CIT: variants seen among roughly 807,000 people sequenced by gnomAD.
CIT encodes the protein citron rho-interacting serine/threonine kinase.
A neutral mutation model predicts 272.7 loss-of-function variants in CIT; 79 were observed. That is an observed-to-expected ratio of 0.29 (90% CI 0.24 to 0.35). The LOEUF (loss-of-function observed/expected upper bound fraction) is 0.35. Ranked by LOEUF, CIT falls within the 10% of genes least tolerant of loss-of-function variation. The pLI is 1.00. For synonymous variants in CIT, 948 were observed against 995.6 expected (o/e 0.95, Z 0.90); for missense variants, 1,909 against 2,618.3 (o/e 0.73, Z 5.91).
At position 119,876,090 on chromosome 12, in the gene CIT, G is replaced by T; in HGVS notation, c.79C>A (p.Leu27Met). Reference sequence around the variant, plus strand: ...GCTGTTACCTGGAAGAACAGATTCAGCCTGGAGGCCCGGCTGGCAATGGGT... The same window carrying T: ...GCTGTTACCTGGAAGAACAGATTCATCCTGGAGGCCCGGCTGGCAATGGGT... ...AEPIASRASRLNLFFQGKPPF... is the reference protein window; with the variant it reads ...AEPIASRASRMNLFFQGKPPF... Residue 27 changes from leucine (L) to methionine (M), a missense_variant, in exon 2 of 48, where the codon CTG (leucine) becomes ATG (methionine). This residue lies in a region of CIT where 529 missense variants were observed against 549.6 expected (regional missense o/e 0.96). Coordinates refer to ENST00000392521, the MANE Select transcript of CIT (RefSeq NM_001206999.2). 4 of 1,613,602 alleles carry T rather than the reference G, an allele frequency of 2.5e-6. No homozygotes were observed. Among genetic ancestry groups the T allele is most frequent in the Non-Finnish European group, 3.4e-6 (4 of 1,179,596 alleles).
intron 28 of CIT, among the ~76,000 whole-genome samples, chr12:119,724,078 C>T (rs1957956787): frequency 6.6e-6 from 1 of 151,932 alleles, no homozygotes; most frequent in Non-Finnish European, 1.5e-5. Context: ...ATCGCTTGAG[C>T]CCAGGAGTTT....
chr12:119,856,684 C>T (rs1835573608), intron 4 of CIT, among the ~76,000 whole-genome samples: 1 of 152,116 alleles, frequency 6.6e-6, no homozygotes. Flanking sequence ...CCTAACTGTC[C>T]CTTGCTCACC....
intron 9 of CIT, among the ~76,000 whole-genome samples, chr12:119,817,444 G>A (rs1460962576): frequency 2.6e-5 from 4 of 151,982 alleles, no homozygotes; most frequent in East Asian, 3.9e-4. Context: ...CCTGGGAGGC[G>A]GAGCTTGCAG....
chr12:119,849,426 C>CA (rs898196341), intron 5 of CIT, among the ~76,000 whole-genome samples: 18 of 149,642 alleles, frequency 1.2e-4, no homozygotes, highest in South Asian at 6.4e-4. Flanking sequence ...GACTCTGTCT[C>CA]AAAAAAAAAG....
chr12:119,746,725 A>T (rs1959470632), intron 23 of CIT, among the ~76,000 whole-genome samples: 1 of 152,218 alleles, frequency 6.6e-6, no homozygotes, highest in Non-Finnish European at 1.5e-5. Context: ...ATCCTCTCTG[A>T]AAGTTAACAT....
At chr12:119,729,426 G>A (rs1463700185) in intron 27 of CIT, among the ~76,000 whole-genome samples, 2 of 151,632 alleles carry the variant, frequency 1.3e-5, no homozygotes, top group East Asian at 3.8e-4. Context: ...AATACTGGAA[G>A]TTCAAATTTC....
intron 7 of CIT, among the ~76,000 whole-genome samples, chr12:119,826,806 A>C (rs2138074938): frequency 6.6e-6 from 1 of 152,284 alleles, no homozygotes; most frequent in Non-Finnish European, 1.5e-5. Context: ...AAGTCCACAT[A>C]CCTTGAAGGC....
chr12:119,817,058 T>A (rs1967252327), intron 9 of CIT, among the ~76,000 whole-genome samples: 1 of 152,246 alleles, frequency 6.6e-6, no homozygotes, highest in Non-Finnish European at 1.5e-5. Context: ...CAACTCATCT[T>A]GAGATTAGAA....
At chr12:119,771,336 C>G (rs1271160496) in intron 17 of CIT, among the ~76,000 whole-genome samples, 2 of 152,032 alleles carry the variant, frequency 1.3e-5, no homozygotes, top group Admixed American at 1.3e-4. Flanking sequence ...GCAGAGACAT[C>G]AGAGAGGCGT....
At chr12:119,837,510 G>A (rs917038618) in intron 5 of CIT, among the ~76,000 whole-genome samples, 3 of 152,194 alleles carry the variant, frequency 2.0e-5, no homozygotes, top group African/African-American at 4.8e-5. Context: ...GACTTGCTGT[G>A]AACCAAAGAA....
intron 2 of CIT, among the ~76,000 whole-genome samples, chr12:119,871,833 G>A (rs1302102171): frequency 6.6e-6 from 1 of 152,194 alleles, no homozygotes; most frequent in Non-Finnish European, 1.5e-5. Context: ...CTCCAGCCTG[G>A]GCAACAGAAT....
chr12:119,709,925 CAGA>C (rs1431805096), intron 39 of CIT, among the ~76,000 whole-genome samples: 1 of 152,054 alleles, frequency 6.6e-6, no homozygotes, highest in Non-Finnish European at 1.5e-5. Context: ...AGCAAGCTCT[CAGA>C]AGGTCAGGGC....
chr12:119,865,257 A>G (rs1950481796), intron 3 of CIT, among the ~76,000 whole-genome samples: 1 of 152,192 alleles, frequency 6.6e-6, no homozygotes, highest in African/African-American at 2.4e-5. Flanking sequence ...CTGTTAAGTA[A>G]CCAGAGGACA....
At position 119,785,074 on chromosome 12, in the gene CIT, A is replaced by G. The variant is rs906035121; in HGVS notation, c.1296-9T>C. On this transcript the variant is annotated splice_polypyrimidine_tract_variant and intron_variant, in intron 10 of 47. Coordinates refer to ENST00000392521, the MANE Select transcript of CIT (RefSeq NM_001206999.2). The stretch of plus-strand genomic sequence containing the variant: ...GACCCGACACAACAGACCTAGGTAG[A>G]GAAAAACCAACGTCAAGGGGGCCTG... 6.2e-7 allele frequency: 1 copy of G among 1,612,786 alleles called. No individual in the cohort carries two copies. Among genetic ancestry groups the G allele is most frequent in the African/African-American group, 1.3e-5 (1 of 74,872 alleles).
At position 119,710,434 on chromosome 12, in the gene CIT, C is replaced by T. The variant is rs888481280; in HGVS notation, c.4936-48G>A. Reference sequence around the variant, plus strand: ...GCAGAACATAAGCACGGTCACGTCACCAGAACAATCTCTAGTAAGAGCAAC... The same window carrying T: ...GCAGAACATAAGCACGGTCACGTCATCAGAACAATCTCTAGTAAGAGCAAC... On this transcript the variant is annotated intron_variant, in intron 38 of 47. Coordinates refer to ENST00000392521, the MANE Select transcript of CIT (RefSeq NM_001206999.2). The surrounding 1 kb of genome is among the most constrained non-coding windows in gnomAD (Gnocchi z 5.6). 6.8e-6 allele frequency: 11 copies of T among 1,613,252 alleles called. No individual in the cohort carries two copies. Among genetic ancestry groups the T allele is most frequent in the Non-Finnish European group, 9.3e-6 (11 of 1,179,578 alleles).
intron 28 of CIT, among the ~76,000 whole-genome samples, chr12:119,723,396 T>TAAAAAAAAAAAAAAAAAAAA: frequency 7.5e-6 from 1 of 133,870 alleles, no homozygotes; most frequent in Non-Finnish European, 1.6e-5. Flanking sequence ...TCCCTATACA[T>TAAAAAAAAAAAAAAAAAAAA]TAAAAAAAAA....
chr12:119,774,974 A>G (rs1386300421), intron 16 of CIT, among the ~76,000 whole-genome samples: 1 of 149,994 alleles, frequency 6.7e-6, no homozygotes, highest in Non-Finnish European at 1.5e-5. Flanking sequence ...CCCTGTCTCA[A>G]AAAAGTTAAA....
rs1165294666 is a variant in CIT, at chr12:119,728,723, C to T, written c.3487-117G>A. The T allele has an allele frequency of 1.3e-5, 9 of 714,242 alleles. No individual in the cohort carries two copies. The highest frequency in any genetic ancestry group is 1.9e-5 in the South Asian group (1 of 53,934). The allele number at this position is 714,242 out of a possible 1,614,324, so 44.2% of individuals were successfully genotyped here. A position where few individuals can be genotyped will look rare whatever the true frequency, so the allele number is the denominator to read the frequency against. ...GAATATTGAGTTCTAAAGGTCAGAA[C>T]GTAAAGGTTGCTTTTTTCTAAATAC... On this transcript the variant is annotated intron_variant, in intron 27 of 47. Coordinates refer to ENST00000392521, the MANE Select transcript of CIT (RefSeq NM_001206999.2). The surrounding 1 kb of genome is among the most constrained non-coding windows in gnomAD (Gnocchi z 4.3).
At position 119,697,608 on chromosome 12, in the gene CIT, T is replaced by C; in HGVS notation, c.5882+51A>G. The C allele has an allele frequency of 6.4e-7, 1 of 1,555,900 alleles. No homozygotes were observed. The highest frequency in any genetic ancestry group is 1.2e-5 in the South Asian group (1 of 86,306). ...GGTTTAGTATCACTTCCTTCTGCCTTGCAGAAAAGCACGTTGCCCCTGGTA... is the reference window on the plus strand; with the variant it reads ...GGTTTAGTATCACTTCCTTCTGCCTCGCAGAAAAGCACGTTGCCCCTGGTA... On this transcript the variant is annotated intron_variant, in intron 46 of 47. Coordinates refer to ENST00000392521, the MANE Select transcript of CIT (RefSeq NM_001206999.2). This position sits in a 1 kb window ranked among gnomAD's most constrained non-coding sequence, Gnocchi z 4.9.
Sources: allele counts gnomAD v4.1 joint callset (sites outside exome capture counted in the v4.1 genomes callset), GRCh38; gene constraint gnomAD v4.1.1; regional missense constraint gnomAD v4.1.1; non-coding constraint Gnocchi (gnomAD v3.1); transcripts MANE v1.5; gene names NCBI Gene and HGNC (gene_info 2026-07-23, HGNC 2026-07-21).